Variants in MTIF3 observed in about 807,000 individuals in gnomAD.
MTIF3 encodes the protein translation initiation factor IF-3, mitochondrial.
In MTIF3, 13 loss-of-function variants were observed where a neutral mutation model predicts 20.7. The ratio of observed to expected loss-of-function variants is 0.63; its 90% CI spans 0.41 to 1.00. MTIF3 has a LOEUF of 1.00. MTIF3 is among the 50% of genes least tolerant of loss of function. MTIF3 has a pLI of 0.00. For missense variants in MTIF3, 295 were observed against 324.5 expected, an observed-to-expected ratio of 0.91 and a Z score of 0.70; for synonymous variants, 114 against 112.5, an observed-to-expected ratio of 1.01 and a Z score of -0.08.
At chr13:27,447,436 T>G (rs1800408792) in intron 1 of MTIF3, among the ~76,000 whole-genome samples, 1 of 152,194 alleles carries the variant, frequency 6.6e-6, no homozygotes. Context: ...GTTCTTATGA[T>G]AATCCTGTTG....
chr13:27,436,744 AATT>A (rs1413941133), intron 4 of MTIF3, among the ~76,000 whole-genome samples: 3 of 98,224 alleles, frequency 3.1e-5, no homozygotes, highest in Non-Finnish European at 4.3e-5. Flanking sequence ...GATTTTCTAC[AATT>A]TTTTTTTTTT....
At chr13:27,436,946 T>A (rs1235490536) in intron 4 of MTIF3, among the ~76,000 whole-genome samples, 170 bp downstream of exon 4, 2 of 151,844 alleles carry the variant, frequency 1.3e-5, no homozygotes, top group African/African-American at 4.8e-5. Context: ...AGAGACGGGG[T>A]TTCACCATGT....
chr13:27,447,100 T>C (rs553961865), intron 1 of MTIF3, among the ~76,000 whole-genome samples: 1 of 149,120 alleles, frequency 6.7e-6, no homozygotes, highest in Non-Finnish European at 1.5e-5. Context: ...TGGGGTGGTG[T>C]TTCTCAGAAA....
intron 2 of MTIF3, among the ~76,000 whole-genome samples, chr13:27,442,500 C>A (rs920549148): frequency 6.6e-6 from 1 of 152,184 alleles, no homozygotes; most frequent in Non-Finnish European, 1.5e-5. Flanking sequence ...TCCTCCTCTG[C>A]CCACACCCTC....
chr13:27,436,246 T>A (rs1475762314), intron 4 of MTIF3, among the ~76,000 whole-genome samples: 4 of 152,042 alleles, frequency 2.6e-5, no homozygotes, highest in South Asian at 2.1e-4. Flanking sequence ...TTCTCAGCAC[T>A]CTCTATTGCC....
intron 3 of MTIF3, 102 bp from the exon 4 acceptor site, chr13:27,437,375 A>G (rs1393505423): frequency 5.0e-6 from 5 of 1,000,486 alleles, no homozygotes; most frequent in South Asian, 3.9e-5. Flanking sequence ...CCACCTGACA[A>G]TCTTCTCATC....
At position 27,437,131 on chromosome 13, in the gene MTIF3, C is replaced by G. The variant is rs1270163935; in HGVS notation, c.603G>C (p.Val201=). ...ITIKKGKNVD[V]SENEMEEIFH... is the part of the protein sequence containing the mutation. Reference sequence around the variant, plus strand: ...CTTTACTTACCATTTCATTTTCTGACACGTCTACATTTTTTCCTTTCTTTA... The same window carrying G: ...CTTTACTTACCATTTCATTTTCTGAGACGTCTACATTTTTTCCTTTCTTTA... Residue 201 remains valine, a synonymous_variant, in exon 4 of 5, where the codon GTG becomes GTC. Transcript: ENST00000381120. 26 of 1,613,388 alleles carry G rather than the reference C, an allele frequency of 1.6e-5. No individual in the cohort carries two copies. The highest frequency in any genetic ancestry group is 2.2e-5 in the Non-Finnish European group (26 of 1,179,790).
intron 1 of MTIF3, among the ~76,000 whole-genome samples, chr13:27,445,446 A>G (rs559718156): frequency 6.6e-6 from 1 of 152,220 alleles, no homozygotes; most frequent in South Asian, 2.1e-4. Context: ...ACTGCACTCC[A>G]GTCTGGACAA....
chr13:27,449,774 G>A, intron 1 of MTIF3: 1 of 152,236 alleles, frequency 6.6e-6, no homozygotes. Context: ...GTGCCTGACA[G>A]AATGAATAGT....
At chr13:27,440,510 T>C in intron 2 of MTIF3, 61 bp from the exon 3 acceptor site, 1 of 1,315,842 alleles carries the variant, frequency 7.6e-7, no homozygotes, top group South Asian at 1.4e-5. Flanking sequence ...GGTCTGACAT[T>C]GTGGTACATG....
intron 1 of MTIF3, among the ~76,000 whole-genome samples, chr13:27,448,506 G>A (rs1954251311): frequency 1.3e-5 from 2 of 152,084 alleles, no homozygotes; most frequent in Non-Finnish European, 2.9e-5. Context: ...ACCGTTACTG[G>A]GCCTTCATGC....
chr13:27,438,656 T>C (rs1434193467), intron 3 of MTIF3, among the ~76,000 whole-genome samples: 1 of 151,966 alleles, frequency 6.6e-6, no homozygotes, highest in African/African-American at 2.4e-5. Flanking sequence ...CCACTACACC[T>C]TGCTAATTTT....
intron 1 of MTIF3, among the ~76,000 whole-genome samples, chr13:27,446,997 T>G (rs1449158185): frequency 6.6e-6 from 1 of 152,124 alleles, no homozygotes; most frequent in African/African-American, 2.4e-5. Flanking sequence ...ATAAAAATTT[T>G]AGAAGAATAA....
chr13:27,439,253 T>TG (rs1198445826), intron 3 of MTIF3, among the ~76,000 whole-genome samples: 1 of 152,002 alleles, frequency 6.6e-6, no homozygotes, highest in Non-Finnish European at 1.5e-5. Flanking sequence ...CCCAGCACTT[T>TG]GGGAGGCCGA....
chr13:27,450,273 C>A (rs1954324218), intron 1 of MTIF3: 1 of 152,332 alleles, frequency 6.6e-6, no homozygotes, highest in African/African-American at 2.4e-5. Context: ...CTGGCGGCAA[C>A]TCTAGGTCTA....
At chr13:27,445,622 T>C (rs1222104101) in intron 1 of MTIF3, among the ~76,000 whole-genome samples, 1 of 152,220 alleles carries the variant, frequency 6.6e-6, no homozygotes. Flanking sequence ...GGTAGACAGC[T>C]GTCTGTCATC....
rs112189543 is a variant in MTIF3 at position 27,438,537 on chromosome 13, G to T, written c.461-1264C>A. 4.5e-3 allele frequency among the ~76,000 whole-genome samples: 625 copies of T among 139,044 alleles called. 8 individuals are homozygous for T. Among genetic ancestry groups the T allele is most frequent in the African/African-American group, 0.016 (591 of 36,772 alleles). The allele number at this position is 139,044 out of a possible 152,430, so 91.2% of individuals were successfully genotyped here. Reference sequence around the variant, plus strand: ...ACACAGGGTCTCGCTCTGTCACCCAGGCTGAAGTGCAGTGGCATGATCATG... The same window carrying T: ...ACACAGGGTCTCGCTCTGTCACCCATGCTGAAGTGCAGTGGCATGATCATG... On this transcript the variant is annotated intron_variant, in intron 3 of 4. Coordinates refer to ENST00000381120, the MANE Select transcript of MTIF3 (RefSeq NM_152912.5).
chr13:27,440,030 C>A lies in MTIF3; in HGVS notation c.419G>T (p.Arg140Leu). 7 of 1,614,172 alleles carry A rather than the reference C, an allele frequency of 4.3e-6. No individual in the cohort carries two copies. The highest frequency in any genetic ancestry group is 5.9e-6 in the Non-Finnish European group (7 of 1,180,016). ...CTTCTCCATCTCCCTCAGCCTCTGC[C>A]GCTCCTGGAGGATCTGCAATCCTGT... ...LMTGLQILQE[R>L]QRLREMEKAN... is the part of the protein sequence containing the mutation. The change falls in exon 3 of 5, where the codon CGG becomes CTG. Residue 140 changes from arginine (R) to leucine (L), a missense_variant. Transcript: ENST00000381120.
At chr13:27,437,993 A>G (rs1953847943) in intron 3 of MTIF3, among the ~76,000 whole-genome samples, 1 of 152,238 alleles carries the variant, frequency 6.6e-6, no homozygotes, top group Non-Finnish European at 1.5e-5. Context: ...AGAGAACCCT[A>G]TAAATCGGAG....
Sources: allele counts gnomAD v4.1 joint callset (sites outside exome capture counted in the v4.1 genomes callset), GRCh38; gene constraint gnomAD v4.1.1; transcripts MANE v1.5; gene names NCBI Gene and HGNC (gene_info 2026-07-23, HGNC 2026-07-21).